The following TEX11 variants were observed in gnomAD, a reference collection of about 807,000 sequenced individuals.
TEX11 encodes testis expressed 11.
Under a neutral mutation model 84.4 loss-of-function variants are expected in TEX11, and 7 were observed. That is an observed-to-expected ratio of 0.08 (90% CI 0.05 to 0.16). The LOEUF (loss-of-function observed/expected upper bound fraction) is 0.16, where lower values mean the gene tolerates loss of function less well. TEX11 is among the 10% of genes least tolerant of loss of function. The pLI is 1.00. For missense variants in TEX11, 551 were observed against 660.5 expected, an observed-to-expected ratio of 0.83 and a Z score of 1.82; for synonymous variants, 264 against 222.8, an observed-to-expected ratio of 1.18 and a Z score of -1.64.
intron 13 of TEX11, among the ~76,000 whole-genome samples, chrX:70,714,522 T>A (rs372610426): frequency 1.3e-4 from 14 of 111,775 alleles, no homozygotes; most frequent in African/African-American, 2.0e-4. Flanking sequence ...CTTCTTTTTG[T>A]ATTGATCCCT....
At chrX:70,585,019 T>C (rs1424666823) in intron 25 of TEX11, among the ~76,000 whole-genome samples, 1 of 111,954 alleles carries the variant, frequency 8.9e-6, no homozygotes, top group East Asian at 2.8e-4. Context: ...TATTCAACAT[T>C]GTACGGGAAG....
At chrX:70,741,567 G>A (rs905782058) in intron 10 of TEX11, among the ~76,000 whole-genome samples, 4 of 111,387 alleles carry the variant, frequency 3.6e-5, no homozygotes, top group African/African-American at 1.3e-4. Context: ...TGAGACTTGT[G>A]AAGTTTACTG....
At chrX:70,796,600 A>C (rs1293031389) in intron 9 of TEX11, among the ~76,000 whole-genome samples, 2 of 111,900 alleles carry the variant, frequency 1.8e-5, no homozygotes. Flanking sequence ...CAAAACCAAA[A>C]CTTGACAAGT....
intron 22 of TEX11, 52 bp from the exon 23 acceptor site, chrX:70,607,081 A>G (rs755058602): frequency 2.0e-4 from 195 of 954,643 alleles, no homozygotes; most frequent in Middle Eastern, 1.2e-3. Flanking sequence ...AAAATCTACC[A>G]TTTAGTCTGT....
chrX:70,673,343 A>T (rs1166691627), intron 15 of TEX11: 3 of 111,290 alleles, frequency 2.7e-5, no homozygotes, highest in Non-Finnish European at 5.7e-5. Flanking sequence ...GGTTGGTCCC[A>T]AACTCCTAGG....
chrX:70,749,476 G>C (rs200010197), intron 9 of TEX11, among the ~76,000 whole-genome samples: 7,504 of 109,277 alleles, frequency 0.069, 574 homozygotes, highest in African/African-American at 0.21. Context: ...GGAGTGGTGA[G>C]AGAGGGCATC....
chrX:70,789,770 C>A (rs2091107024), intron 9 of TEX11, among the ~76,000 whole-genome samples: 1 of 111,907 alleles, frequency 8.9e-6, no homozygotes, highest in Admixed American at 9.5e-5. Flanking sequence ...CTATATGATG[C>A]AGCTTTTGGG....
intron 7 of TEX11, among the ~76,000 whole-genome samples, chrX:70,840,171 T>C (rs181470727): frequency 9.0e-6 from 1 of 110,817 alleles, no homozygotes; most frequent in East Asian, 2.8e-4. Context: ...CCAAGACACA[T>C]AATTGTCAGA....
chrX:70,752,542 A>G (rs1250598598), intron 9 of TEX11, among the ~76,000 whole-genome samples: 10 of 107,271 alleles, frequency 9.3e-5, no homozygotes, highest in Non-Finnish European at 1.3e-4. Context: ...AAAAAAAAAA[A>G]AAAGAAAAGA....
Position 70,610,543 on chromosome X carries a change from C to T in TEX11, c.1752G>A (p.Lys584=). Residue 584 remains lysine, a splice_region_variant and synonymous_variant, in exon 21 of 30, where the codon AAG becomes AAA. Coordinates refer to ENST00000374333, the MANE Select transcript of TEX11 (RefSeq NM_031276.3). The part of the protein sequence containing the change: ...KIAEMPESED[K]KKEMDRLLTC... Reference sequence around the variant, plus strand: ...TCAAAAGTCGATCCATTTCTTTCTTCCTAAAAATAAAGAAAAGGATATTTT... The same window carrying T: ...TCAAAAGTCGATCCATTTCTTTCTTTCTAAAAATAAAGAAAAGGATATTTT... 1.7e-6 allele frequency: 2 copies of T among 1,202,612 alleles called. No homozygotes were observed. Among genetic ancestry groups the T allele is most frequent in the East Asian group, 5.9e-5 (2 of 33,714 alleles).
chrX:70,564,831 T>A, intron 25 of TEX11, among the ~76,000 whole-genome samples: 1 of 110,581 alleles, frequency 9.0e-6, no homozygotes, highest in Non-Finnish European at 1.9e-5. Context: ...TGGTTCCAGG[T>A]CTTTCCTATT....
rs759862151 is a variant in TEX11, at chrX:70,882,781, C to CA, written c.38-2673dup. Reference sequence around the variant, plus strand: ...GGTGACAGAGCAAGACCTTGTCTCTCAAAAAAAAAAAAATCCTAAGATGTT... The same window carrying CA: ...GGTGACAGAGCAAGACCTTGTCTCTCAAAAAAAAAAAAAATCCTAAGATGTT... On this transcript the variant is annotated intron_variant, in intron 2 of 29. Coordinates refer to ENST00000374333, the MANE Select transcript of TEX11 (RefSeq NM_031276.3). Among the ~76,000 whole-genome samples, 796 of 92,987 alleles carry CA rather than the reference C, an allele frequency of 8.6e-3. 3 individuals carry two copies. Among genetic ancestry groups the CA allele is most frequent in the Non-Finnish European group, 0.013 (607 of 46,139 alleles). 80.7% of individuals were successfully genotyped at this position (92,987 alleles called of 115,157 possible).
At chrX:70,754,188 C>A (rs746787760) in intron 9 of TEX11, among the ~76,000 whole-genome samples, 5 of 110,454 alleles carry the variant, frequency 4.5e-5, no homozygotes, top group African/African-American at 1.6e-4. Flanking sequence ...ATTTCTGGAC[C>A]GTGAGTGAGA....
chrX:70,705,037 A>G (rs2090359081), intron 13 of TEX11, among the ~76,000 whole-genome samples: 1 of 111,628 alleles, frequency 9.0e-6, no homozygotes, highest in Non-Finnish European at 1.9e-5. Flanking sequence ...TCCCAGCACC[A>G]TTTATTAAAT....
At chrX:70,821,234 A>G (rs1233793418) in intron 8 of TEX11, among the ~76,000 whole-genome samples, 2 of 112,142 alleles carry the variant, frequency 1.8e-5, no homozygotes, top group Non-Finnish European at 1.9e-5. Context: ...TGAATAGACC[A>G]TTTCTTCAAA....
intron 2 of TEX11, chrX:70,897,667 A>AAGGAAGGAAGGAAGGAAG (rs2091778231): frequency 6.4e-5 from 4 of 62,297 alleles, no homozygotes; most frequent in African/African-American, 1.8e-4. Flanking sequence ...AAGGAAGGAA[A>AAGGAAGGAAGGAAGGAAG]ACAAAGAAAG....
chrX:70,731,230 C>T (rs1257994189), intron 11 of TEX11, among the ~76,000 whole-genome samples: 3 of 111,478 alleles, frequency 2.7e-5, no homozygotes, highest in Admixed American at 9.6e-5. Flanking sequence ...ACCCTAGCAT[C>T]ACAATTAAAA....
intron 10 of TEX11, among the ~76,000 whole-genome samples, chrX:70,743,603 C>T (rs1431288634): frequency 2.7e-5 from 3 of 111,307 alleles, no homozygotes; most frequent in East Asian, 2.8e-4. Flanking sequence ...AGGCCAGGCA[C>T]GGTAGCTCAC....
At chrX:70,539,514 C>A (rs1477688571) in intron 28 of TEX11, among the ~76,000 whole-genome samples, 1 of 110,939 alleles carries the variant, frequency 9.0e-6, no homozygotes, top group African/African-American at 3.3e-5. Context: ...TTCTTCTGGG[C>A]TTCTTGGTTA....
Sources: gnomAD v4.1 joint callset for allele counts (sites outside exome capture counted in the v4.1 genomes callset) on GRCh38, gnomAD v4.1.1 for gene constraint, MANE v1.5 for transcripts, NCBI Gene and HGNC (gene_info 2026-07-23, HGNC 2026-07-21) for gene names.